The following CDC20B variants were observed in gnomAD, a reference collection of about 807,000 sequenced individuals.
CDC20B encodes the protein cell division cycle protein 20 homolog B.
CDC20B carries 58 observed loss-of-function variants against 64.1 expected under a neutral mutation model. The observed-to-expected ratio is 0.90, with a 90% CI of 0.73 to 1.13. The LOEUF (loss-of-function observed/expected upper bound fraction) is 1.13. Ranked by LOEUF, CDC20B falls within the 50% of genes most tolerant of loss-of-function variation. CDC20B has a pLI of 0.00. For synonymous variants in CDC20B, 243 were observed against 230.6 expected, an observed-to-expected ratio of 1.05 and a Z score of -0.49; for missense variants, 597 against 633.0, an observed-to-expected ratio of 0.94 and a Z score of 0.61.
chr5:55,169,200 A>T (rs1441181407), intron 2 of CDC20B, among the ~76,000 whole-genome samples: 1 of 152,246 alleles, frequency 6.6e-6, no homozygotes, highest in Non-Finnish European at 1.5e-5. Flanking sequence ...ACACTGGGCA[A>T]CATCAAAAAG....
Position 55,172,606 on chromosome 5 carries a change from TCTC to T in CDC20B, c.105_107del (p.Arg36del). On this transcript the variant is annotated inframe_deletion, in exon 2 of 12. Coordinates refer to ENST00000381375, the MANE Select transcript of CDC20B (RefSeq NM_001170402.1). ...GACTCACGTTGGCGGAATCTTGACTTCTCTTCTGCTTCAAGTCTTTGGAGAGCA... is the reference window on the plus strand; with the variant it reads ...GACTCACGTTGGCGGAATCTTGACTTTTCTGCTTCAAGTCTTTGGAGAGCA... 2 of 1,608,036 alleles carry T rather than the reference TCTC, an allele frequency of 1.2e-6. No individual in the cohort carries two copies. The highest frequency in any genetic ancestry group is 1.7e-6 in the Non-Finnish European group (2 of 1,179,562).
Position 55,127,314 on chromosome 5 carries a change from A to AT in CDC20B, c.931dup (p.Met311AsnfsTer66), listed in dbSNP as rs1179845564. On this transcript the variant is annotated frameshift_variant, in exon 8 of 12. Transcript: ENST00000381375. LOFTEE classifies it high-confidence loss of function. Reference sequence around the variant, plus strand: ...CCCAACTACTGACAAATGACCAAGCATATTTCTCAGCCGCTTTTTAGTTAC... The same window carrying AT: ...CCCAACTACTGACAAATGACCAAGCATTATTTCTCAGCCGCTTTTTAGTTAC... The AT allele has an allele frequency of 1.2e-6, 2 of 1,614,166 alleles. No homozygotes were observed.
intron 2 of CDC20B, chr5:55,161,332 A>G: frequency 7.5e-7 from 1 of 1,333,312 alleles, no homozygotes; most frequent in Non-Finnish European, 1.0e-6. Flanking sequence ...ATACTTTCCT[A>G]TTTCATTTGA....
intron 9 of CDC20B, among the ~76,000 whole-genome samples, chr5:55,124,184 T>C (rs1261323777): frequency 6.6e-6 from 1 of 152,212 alleles, no homozygotes; most frequent in African/African-American, 2.4e-5. Context: ...CCCTGCCATC[T>C]TCTGACAGTT....
chr5:55,163,456 C>T (rs1189290702), intron 2 of CDC20B, among the ~76,000 whole-genome samples: 1 of 152,070 alleles, frequency 6.6e-6, no homozygotes, highest in African/African-American at 2.4e-5. Flanking sequence ...TGTGGTGGCA[C>T]ACACCTGTAA....
At chr5:55,167,362 T>C (rs1438703768) in intron 2 of CDC20B, among the ~76,000 whole-genome samples, 1 of 152,214 alleles carries the variant, frequency 6.6e-6, no homozygotes, top group Non-Finnish European at 1.5e-5. Context: ...CAATAGTATA[T>C]ATACGTGTAC....
chr5:55,128,396 G>T, intron 7 of CDC20B, 25 bp downstream of exon 7: 1 of 1,539,484 alleles, frequency 6.5e-7, no homozygotes, highest in African/African-American at 1.4e-5. Context: ...AGAACATGAT[G>T]AGAAAAAAAA....
chr5:55,150,980 A>G (rs1024600195), intron 2 of CDC20B, among the ~76,000 whole-genome samples: 1 of 152,168 alleles, frequency 6.6e-6, no homozygotes, highest in South Asian at 2.1e-4. Context: ...TCCTGGGCTC[A>G]AGCAATACTC....
chr5:55,135,336 T>C (rs1474648338), intron 5 of CDC20B, among the ~76,000 whole-genome samples: 3 of 152,164 alleles, frequency 2.0e-5, no homozygotes, highest in African/African-American at 4.8e-5. Context: ...ATAGAACATA[T>C]ATTTTTTTAT....
chr5:55,131,422 C>A (rs1743025498), intron 6 of CDC20B, among the ~76,000 whole-genome samples: 1 of 151,996 alleles, frequency 6.6e-6, no homozygotes, highest in Non-Finnish European at 1.5e-5. Context: ...CTTGGGTACT[C>A]CAACATTTAG....
intron 5 of CDC20B, among the ~76,000 whole-genome samples, chr5:55,134,178 T>C (rs1401717288): frequency 6.6e-6 from 1 of 152,208 alleles, no homozygotes; most frequent in Non-Finnish European, 1.5e-5. Flanking sequence ...CCGCTGTCTT[T>C]TCATCTCCAA....
chr5:55,124,091 A>AT (rs1742818865), intron 9 of CDC20B, among the ~76,000 whole-genome samples: 1 of 152,176 alleles, frequency 6.6e-6, no homozygotes, highest in African/African-American at 2.4e-5. Flanking sequence ...AAACTATGGA[A>AT]TTTTTTTACT....
At chr5:55,144,430 T>C (rs899113033) in intron 3 of CDC20B, among the ~76,000 whole-genome samples, 2 of 152,166 alleles carry the variant, frequency 1.3e-5, no homozygotes, top group South Asian at 2.1e-4. Flanking sequence ...CAAGGGACCA[T>C]TGGAAAATCT....
At chr5:55,139,491 G>A (rs756672503) in intron 5 of CDC20B, among the ~76,000 whole-genome samples, 4 of 151,856 alleles carry the variant, frequency 2.6e-5, no homozygotes, top group East Asian at 1.9e-4. Context: ...TGACAGCTAC[G>A]GAATAAAACA....
intron 2 of CDC20B, among the ~76,000 whole-genome samples, chr5:55,148,042 T>C (rs932533119): frequency 2.6e-5 from 4 of 152,158 alleles, no homozygotes; most frequent in Non-Finnish European, 5.9e-5. Context: ...AATTATCTTT[T>C]AATAAAATGA....
chr5:55,170,272 C>T (rs1026373090), intron 2 of CDC20B, among the ~76,000 whole-genome samples: 1 of 151,976 alleles, frequency 6.6e-6, no homozygotes, highest in Non-Finnish European at 1.5e-5. Context: ...CTGTCTACTC[C>T]GAAAGACTCC....
At chr5:55,123,575 T>TGATTCCCCAGGTG (rs1742806674) in intron 9 of CDC20B, among the ~76,000 whole-genome samples, 1 of 152,160 alleles carries the variant, frequency 6.6e-6, no homozygotes, top group South Asian at 2.1e-4. Flanking sequence ...GACTGTTCAG[T>TGATTCCCCAGGTG]GATTCCCCAG....
At chr5:55,122,273 CTT>C (rs34776567) in intron 9 of CDC20B, among the ~76,000 whole-genome samples, 137 of 146,710 alleles carry the variant, frequency 9.3e-4, no homozygotes, top group East Asian at 2.4e-3. Flanking sequence ...AGTCTTTTCT[CTT>C]TTTTTTTTTT....
chr5:55,127,298 T>C lies in CDC20B; in HGVS notation c.948A>G (p.Ser316=), dbSNP rs768305495. 1.2e-6 allele frequency: 2 copies of C among 1,614,116 alleles called. No individual in the cohort carries two copies. The highest frequency in any genetic ancestry group is 2.2e-5 in the South Asian group (2 of 91,080). ...KRLRNMLGHL[S]VVGALSWNHF... is the part of the protein sequence containing the mutation. ...GATTCCAGCTCAGAGCCCCAACTAC[T>C]GACAAATGACCAAGCATATTTCTCA... The change falls in exon 8 of 12, where the codon TCA becomes TCG. Residue 316 remains serine (S), a synonymous_variant. Transcript: ENST00000381375.
Sources: allele counts gnomAD v4.1 joint callset (sites outside exome capture counted in the v4.1 genomes callset), GRCh38; gene constraint gnomAD v4.1.1; transcripts MANE v1.5; gene names NCBI Gene and HGNC (gene_info 2026-07-23, HGNC 2026-07-21).